Variants in SNUPN observed in about 807,000 individuals in gnomAD.
SNUPN encodes snurportin-1.
In SNUPN, 31 loss-of-function variants were observed where a neutral mutation model predicts 39.2. That is an observed-to-expected ratio of 0.79 (90% CI 0.59 to 1.07). The LOEUF (loss-of-function observed/expected upper bound fraction) is 1.07, where lower values mean the gene tolerates loss of function less well. Ranked by LOEUF, SNUPN falls within the 50% of genes least tolerant of loss-of-function variation. SNUPN has a pLI of 0.00. For synonymous variants in SNUPN, 132 were observed against 159.0 expected, an observed-to-expected ratio of 0.83 and a Z score of 1.28; for missense variants, 382 against 434.2, an observed-to-expected ratio of 0.88 and a Z score of 1.07.
intron 8 of SNUPN, 99 bp from the exon 9 acceptor site, chr15:75,598,780 T>G (rs1359081343): frequency 2.4e-6 from 2 of 833,820 alleles, no homozygotes; most frequent in African/African-American, 3.4e-5. Context: ...GTCCGACTCC[T>G]TTTTCTGGGT....
At chr15:75,610,026 G>T in intron 3 of SNUPN, 32 bp from the exon 4 acceptor site, 1 of 1,502,898 alleles carries the variant, frequency 6.7e-7, no homozygotes, top group Non-Finnish European at 9.3e-7. Context: ...TTAAAGATCA[G>T]CAGGGGTGTG....
intron 3 of SNUPN, among the ~76,000 whole-genome samples, chr15:75,611,460 G>A (rs935956531): frequency 6.6e-6 from 1 of 151,482 alleles, no homozygotes; most frequent in African/African-American, 2.4e-5. Flanking sequence ...CACCGTGTTA[G>A]CCAGGATGGT....
intron 6 of SNUPN, among the ~76,000 whole-genome samples, chr15:75,605,842 C>A (rs1269541897): frequency 6.6e-6 from 1 of 152,194 alleles, no homozygotes; most frequent in East Asian, 1.9e-4. Context: ...TTCTTAGCAT[C>A]TCAGCTTCCA....
intron 4 of SNUPN, 77 bp downstream of exon 4, chr15:75,609,813 A>G: frequency 7.8e-7 from 1 of 1,278,834 alleles, no homozygotes; most frequent in Non-Finnish European, 1.1e-6. Flanking sequence ...GTTGTGGCGT[A>G]TGAGGAAAAT....
In SNUPN at chr15:75,599,290, T is replaced by C. The variant is rs566648387; in HGVS notation, c.760-609A>G. Among the ~76,000 whole-genome samples the C allele has an allele frequency of 5.3e-5, 8 of 152,322 alleles. No individual in the cohort carries two copies. In the East Asian group the frequency reaches 1.5e-3, roughly 29 times the overall value. On this transcript the variant is annotated intron_variant, in intron 8 of 8. Transcript: ENST00000308588. ...GGTGTCTGAGAGATGGGGCTGCTCA[T>C]ACTCAGGGAGTTCTGAGGACCTCCT... is the stretch of plus-strand genomic sequence containing the variant.
At chr15:75,600,103 C>G (rs1469142538) in intron 8 of SNUPN, among the ~76,000 whole-genome samples, 1 of 151,512 alleles carries the variant, frequency 6.6e-6, no homozygotes, top group African/African-American at 2.4e-5. Context: ...GCCTCGACCT[C>G]CCAAAGTGCT....
rs1397851329 is a variant in SNUPN, at chr15:75,609,589, T to C, written c.471A>G (p.Pro157=). The C allele has an allele frequency of 1.2e-6, 2 of 1,614,138 alleles. No individual in the cohort carries two copies. Among genetic ancestry groups the C allele is most frequent in the East Asian group, 2.2e-5 (1 of 44,886 alleles). Residue 157 remains proline (P), a synonymous_variant, in exon 5 of 9, where the codon CCA becomes CCG. Transcript: ENST00000308588. ...YCVNRFSSLL[P]GGNRRNSTAK... ...CTGTTGAGTTTCGCCTGTTGCCTCCTGGCAGAAGTGAAGAAAACCTGTTGA... is the reference window on the plus strand; with the variant it reads ...CTGTTGAGTTTCGCCTGTTGCCTCCCGGCAGAAGTGAAGAAAACCTGTTGA...
At position 75,609,877 on chromosome 15, in the gene SNUPN, G is replaced by A. The variant is rs770170533; in HGVS notation, c.408+13C>T. ...ACCAGGCCTACTGGCATAGGGGGCA[G>A]GCAGCTACTCACCCTGGAGGCCACG... On this transcript the variant is annotated intron_variant, in intron 4 of 8. Coordinates refer to ENST00000308588, the MANE Select transcript of SNUPN (RefSeq NM_005701.4). 2 of 1,599,342 alleles carry A rather than the reference G, an allele frequency of 1.3e-6. No homozygotes were observed. The highest frequency in any genetic ancestry group is 8.6e-7 in the Non-Finnish European group (1 of 1,166,714).
chr15:75,599,320 A>G (rs995027353), intron 8 of SNUPN, among the ~76,000 whole-genome samples: 4 of 152,192 alleles, frequency 2.6e-5, no homozygotes, highest in African/African-American at 9.7e-5. Context: ...CCTCCTTAAA[A>G]CACACAGTGA....
At position 75,598,585 on chromosome 15, in the gene SNUPN, G is replaced by A. The variant is rs1335648454; in HGVS notation, c.856C>T (p.Leu286Phe). 4 of 1,614,258 alleles carry A rather than the reference G, an allele frequency of 2.5e-6. No homozygotes were observed. The South Asian group carries it at 3.3e-5, about 13-fold the overall frequency. Residue 286 changes from leucine to phenylalanine, a missense_variant, in exon 9 of 9, where the codon CTT (leucine) becomes TTT (phenylalanine). Transcript: ENST00000308588. ...WLRPYMVSDVLGVAVPAGPLT... is the reference protein window; with the variant it reads ...WLRPYMVSDVFGVAVPAGPLT... ...GGGCCAGCCGGCACAGCTACACCAA[G>A]GACATCTGACACCATGTAGGGGCGC...
rs377101283 is a variant in SNUPN, at chr15:75,624,021, G to A, written c.-6+1645C>T. Among the ~76,000 whole-genome samples, 241 of 144,000 alleles carry A rather than the reference G, an allele frequency of 1.7e-3. 6 individuals are homozygous for A. The East Asian group carries it at 0.046, about 27-fold the overall frequency. 94.5% of individuals were successfully genotyped at this position (144,000 alleles called of 152,430 possible). On this transcript the variant is annotated intron_variant, in intron 1 of 8. Transcript: ENST00000308588. ...CGGCTCACTGCAAGCTCCGCCTCCC[G>A]GGTTCACGCCATTCTCCTGCCTCAG...
intron 5 of SNUPN, among the ~76,000 whole-genome samples, chr15:75,608,711 G>C (rs1892692961): frequency 6.6e-6 from 1 of 152,176 alleles, no homozygotes; most frequent in South Asian, 2.1e-4. Context: ...CCAAAGATAT[G>C]TTGACCTTAA....
At chr15:75,619,860 T>C (rs892662328) in intron 2 of SNUPN, among the ~76,000 whole-genome samples, 10 of 152,100 alleles carry the variant, frequency 6.6e-5, no homozygotes, top group African/African-American at 2.4e-4. Flanking sequence ...GTGATTCTCC[T>C]GTCTCAGCCT....
At position 75,600,340 on chromosome 15, in the gene SNUPN, T is replaced by C. The variant is rs1480726727; in HGVS notation, c.759+798A>G. Among the ~76,000 whole-genome samples the C allele has an allele frequency of 2.0e-5, 3 of 151,822 alleles. No homozygotes were observed. The East Asian group carries it at 5.8e-4, about 29-fold the overall frequency. On this transcript the variant is annotated intron_variant, in intron 8 of 8. Transcript: ENST00000308588. Reference sequence around the variant, plus strand: ...CCCAGGCTGGAGTGCAGTGGCTCAATCTCGGCTCACTGCAACCTCTGCCTC... The same window carrying C: ...CCCAGGCTGGAGTGCAGTGGCTCAACCTCGGCTCACTGCAACCTCTGCCTC...
intron 7 of SNUPN, among the ~76,000 whole-genome samples, chr15:75,601,580 A>C (rs1260778195): frequency 6.6e-6 from 1 of 151,916 alleles, no homozygotes; most frequent in Non-Finnish European, 1.5e-5. Context: ...CTCTCAAAAA[A>C]AGCAAAAAGA....
At chr15:75,607,982 G>C (rs1305269970) in intron 5 of SNUPN, among the ~76,000 whole-genome samples, 1 of 152,150 alleles carries the variant, frequency 6.6e-6, no homozygotes, top group African/African-American at 2.4e-5. Context: ...GGGCACATGT[G>C]GGGAGATAAG....
intron 7 of SNUPN, among the ~76,000 whole-genome samples, chr15:75,603,299 G>A (rs1485069116): frequency 2.7e-5 from 4 of 147,476 alleles, no homozygotes; most frequent in African/African-American, 7.6e-5. Context: ...CGCCTGTCTC[G>A]GCCTCCCAAA....
chr15:75,614,195 G>T (rs1333943598), intron 3 of SNUPN, among the ~76,000 whole-genome samples: 1 of 152,136 alleles, frequency 6.6e-6, no homozygotes. Flanking sequence ...GGAGGCTGAG[G>T]CAGGAAGATC....
chr15:75,600,861 C>T (rs771164601), intron 8 of SNUPN: 2 of 362,090 alleles, frequency 5.5e-6, no homozygotes, highest in Non-Finnish European at 1.0e-5. Flanking sequence ...CTATCTGGGC[C>T]TCAGTTTCTC....
Sources: gnomAD v4.1 joint callset for allele counts (sites outside exome capture counted in the v4.1 genomes callset) on GRCh38, gnomAD v4.1.1 for gene constraint, MANE v1.5 for transcripts, NCBI Gene and HGNC (gene_info 2026-07-23, HGNC 2026-07-21) for gene names.